The following PAM variants were observed in gnomAD, a reference collection of about 807,000 sequenced individuals.
PAM encodes peptidylglycine alpha-amidating monooxygenase.
A neutral mutation model predicts 122.1 loss-of-function variants in PAM; 72 were observed. The observed-to-expected ratio is 0.59, with a 90% CI of 0.49 to 0.72. The LOEUF is 0.72. Ranked by LOEUF, PAM falls within the 30% of genes least tolerant of loss-of-function variation. The probability of loss-of-function intolerance (pLI) is 0.00; values close to 1 mark genes in which losing one functional copy is unlikely to be tolerated. For missense variants in PAM, 1,106 were observed against 1,183.7 expected (o/e 0.93, Z 0.96); for synonymous variants, 389 against 404.4 (o/e 0.96, Z 0.46).
chr5:102,761,644 C>T (rs1752396764), intron 1 of PAM, among the ~76,000 whole-genome samples: 1 of 152,128 alleles, frequency 6.6e-6, no homozygotes, highest in African/African-American at 2.4e-5. Flanking sequence ...ATTTGTAGTG[C>T]AGTAACATTT....
At position 102,871,588 on chromosome 5, in the gene PAM, CTG is replaced by C. The variant is rs373228946; in HGVS notation, c.210+4196_210+4197del. ...CTATCATAAGAGAATAAAAGGAACA[CTG>C]AGAATAGATATGCTTTTCTCAGAAA... On this transcript the variant is annotated intron_variant, in intron 3 of 25. Coordinates refer to ENST00000438793, the MANE Select transcript of PAM (RefSeq NM_001177306.2). 5.6e-3 allele frequency among the ~76,000 whole-genome samples: 842 copies of C among 151,296 alleles called. 9 individuals carry two copies. Among genetic ancestry groups the C allele is most frequent in the African/African-American group, 0.019 (796 of 41,380 alleles).
intron 1 of PAM, among the ~76,000 whole-genome samples, chr5:102,781,543 T>C (rs180790309): frequency 6.6e-6 from 1 of 152,360 alleles, no homozygotes; most frequent in East Asian, 1.9e-4. Context: ...AGGACTTTAA[T>C]GCATGGCTTT....
At chr5:102,762,387 T>G (rs893434277) in intron 1 of PAM, among the ~76,000 whole-genome samples, 1 of 152,204 alleles carries the variant, frequency 6.6e-6, no homozygotes, top group Non-Finnish European at 1.5e-5. Context: ...GTAAGTCATC[T>G]TTTGAGAACT....
At chr5:102,907,334 G>T (rs1799880426) in intron 4 of PAM, among the ~76,000 whole-genome samples, 1 of 151,648 alleles carries the variant, frequency 6.6e-6, no homozygotes, top group African/African-American at 2.4e-5. Context: ...GTATTCCATG[G>T]TGTATATGTG....
chr5:102,826,923 A>G (rs1271968983), intron 1 of PAM, among the ~76,000 whole-genome samples: 1 of 152,228 alleles, frequency 6.6e-6, no homozygotes, highest in Non-Finnish European at 1.5e-5. Context: ...TAAATTTAGC[A>G]TACATATAGA....
intron 3 of PAM, among the ~76,000 whole-genome samples, chr5:102,898,125 G>A (rs1021137405): frequency 6.6e-6 from 1 of 151,442 alleles, no homozygotes; most frequent in South Asian, 2.1e-4. Context: ...TACTTTTCTT[G>A]GATAGTTCCC....
intron 7 of PAM, among the ~76,000 whole-genome samples, chr5:102,940,502 C>A (rs201398983): frequency 4.2e-5 from 6 of 141,814 alleles, no homozygotes; most frequent in African/African-American, 1.6e-4. Context: ...TATATATCAG[C>A]TATATATATA....
chr5:102,902,641 A>G (rs1798319706), intron 4 of PAM, among the ~76,000 whole-genome samples: 1 of 151,548 alleles, frequency 6.6e-6, no homozygotes, highest in Admixed American at 6.6e-5. Flanking sequence ...CTAGCCATAA[A>G]GCTTTCCTTA....
chr5:102,758,668 T>C (rs1751384697), intron 1 of PAM, among the ~76,000 whole-genome samples: 1 of 152,196 alleles, frequency 6.6e-6, no homozygotes, highest in Non-Finnish European at 1.5e-5. Flanking sequence ...TCATTTTATC[T>C]GGGGTTGAAT....
intron 1 of PAM, among the ~76,000 whole-genome samples, chr5:102,848,652 A>G (rs937472897): frequency 1.3e-5 from 2 of 152,238 alleles, no homozygotes; most frequent in African/African-American, 2.4e-5. Flanking sequence ...AAAAGAACTC[A>G]GCTGAAACAA....
chr5:102,960,078 T>C lies in PAM; in HGVS notation c.1090+19T>C. 7.8e-7 allele frequency: 1 copy of C among 1,278,330 alleles called. No homozygotes were observed. Among genetic ancestry groups the C allele is most frequent in the East Asian group, 2.4e-5 (1 of 41,738 alleles). 79.2% of individuals were successfully genotyped at this position (1,278,330 alleles called of 1,614,324 possible). A position where few individuals can be genotyped will look rare whatever the true frequency, so the allele number is the denominator to read the frequency against. The stretch of plus-strand genomic sequence containing the variant: ...CATAAAGGTAATAATTGATGTTTAA[T>C]ATAAAGTAATATATGATTTTGTATT... On this transcript the variant is annotated intron_variant, in intron 13 of 25. Transcript: ENST00000438793.
At chr5:102,988,499 T>G (rs1772739940) in intron 15 of PAM, among the ~76,000 whole-genome samples, 1 of 152,136 alleles carries the variant, frequency 6.6e-6, no homozygotes, top group Admixed American at 6.6e-5. Context: ...AAACCACGTT[T>G]TATTCCTTTG....
At chr5:102,906,121 TCTC>T (rs1799462603) in intron 4 of PAM, among the ~76,000 whole-genome samples, 1 of 151,792 alleles carries the variant, frequency 6.6e-6, no homozygotes, top group Non-Finnish European at 1.5e-5. Flanking sequence ...ACGTCCAACA[TCTC>T]CTCAGCTTTT....
intron 1 of PAM, among the ~76,000 whole-genome samples, chr5:102,803,200 AGG>A (rs1424501169): frequency 6.2e-5 from 2 of 32,014 alleles, no homozygotes; most frequent in Non-Finnish European, 8.8e-5. Context: ...GAAGGAAGGA[AGG>A]AAGGAAAGAA....
intron 1 of PAM, chr5:102,837,689 A>G (rs1471661046): frequency 1.3e-5 from 2 of 152,214 alleles, no homozygotes; most frequent in Non-Finnish European, 1.5e-5. Flanking sequence ...AACCTAAGAG[A>G]GCAGGATGCT....
At chr5:102,868,749 C>G (rs999442304) in intron 3 of PAM, among the ~76,000 whole-genome samples, 1 of 152,084 alleles carries the variant, frequency 6.6e-6, no homozygotes, top group South Asian at 2.1e-4. Context: ...ATTATTTTAT[C>G]AAATAGTCTT....
intron 1 of PAM, among the ~76,000 whole-genome samples, chr5:102,787,794 G>A (rs1490977776): frequency 6.6e-6 from 1 of 151,952 alleles, no homozygotes; most frequent in Non-Finnish European, 1.5e-5. Flanking sequence ...GCTATTCTCA[G>A]GAAATGTTGG....
chr5:102,781,209 C>T (rs902229546), intron 1 of PAM, among the ~76,000 whole-genome samples: 4 of 152,086 alleles, frequency 2.6e-5, no homozygotes, highest in Admixed American at 2.6e-4. Context: ...AATAATTACT[C>T]ATTTTTTTGG....
chr5:102,846,641 G>A (rs1346586239), intron 1 of PAM, among the ~76,000 whole-genome samples: 1 of 152,162 alleles, frequency 6.6e-6, no homozygotes, highest in Non-Finnish European at 1.5e-5. Flanking sequence ...GGACATCCCA[G>A]AATAAGGCAG....
Sources: gnomAD v4.1 joint callset for allele counts (sites outside exome capture counted in the v4.1 genomes callset) on GRCh38, gnomAD v4.1.1 for gene constraint, MANE v1.5 for transcripts, NCBI Gene and HGNC (gene_info 2026-07-23, HGNC 2026-07-21) for gene names.